The following NKAIN3 variants were observed in gnomAD, a reference collection of about 807,000 sequenced individuals.
NKAIN3 encodes the protein sodium/potassium-transporting ATPase subunit beta-1-interacting protein 3.
NKAIN3 carries 25 observed loss-of-function variants against 30.2 expected under a neutral mutation model. The ratio of observed to expected loss-of-function variants is 0.83; its 90% CI spans 0.60 to 1.16. NKAIN3 has a LOEUF of 1.16. Among genes scored for constraint, NKAIN3 ranks in the 50% most tolerant of loss-of-function variants. The pLI is 0.00. For synonymous variants in NKAIN3, 91 were observed against 89.6 expected (o/e 1.02, Z -0.09); for missense variants, 225 against 254.1 (o/e 0.89, Z 0.78).
chr8:62,270,735 C>T (rs2882742), intron 1 of NKAIN3, among the ~76,000 whole-genome samples: 88,987 of 151,944 alleles, frequency 0.59, 26,387 homozygotes, highest in East Asian at 0.68. Flanking sequence ...ATCTCCAACC[C>T]ATGGTAGCCA....
intron 5 of NKAIN3, among the ~76,000 whole-genome samples, chr8:62,920,518 T>C (rs1822247565): frequency 6.6e-6 from 1 of 152,224 alleles, no homozygotes. Context: ...CTGTTAACTT[T>C]CTATTAGCCT....
chr8:62,589,167 T>C (rs1389344087), intron 2 of NKAIN3, among the ~76,000 whole-genome samples: 1 of 151,902 alleles, frequency 6.6e-6, no homozygotes, highest in Non-Finnish European at 1.5e-5. Context: ...ATTTCTCTGC[T>C]TTAAAATATT....
At chr8:62,757,108 T>C (rs932755711) in intron 4 of NKAIN3, among the ~76,000 whole-genome samples, 2 of 152,170 alleles carry the variant, frequency 1.3e-5, no homozygotes, top group African/African-American at 4.8e-5. Flanking sequence ...GTTTAATAAT[T>C]AATCGAGCCA....
intron 1 of NKAIN3, among the ~76,000 whole-genome samples, chr8:62,477,343 A>C (rs918278989): frequency 3.1e-5 from 4 of 127,214 alleles, no homozygotes; most frequent in African/African-American, 1.1e-4. Flanking sequence ...TTGCACTGGC[A>C]GTAAAAAAAA....
intron 4 of NKAIN3, among the ~76,000 whole-genome samples, chr8:62,824,943 T>A (rs1818973280): frequency 6.6e-6 from 1 of 152,186 alleles, no homozygotes; most frequent in African/African-American, 2.4e-5. Flanking sequence ...GTGAAGATTG[T>A]CATATCACAG....
intron 1 of NKAIN3, among the ~76,000 whole-genome samples, chr8:62,456,238 C>A (rs1235484014): frequency 1.3e-5 from 2 of 152,094 alleles, no homozygotes; most frequent in Non-Finnish European, 2.9e-5. Context: ...GAAAAGGAAA[C>A]CAGCCAGGCA....
chr8:62,394,655 C>T (rs1483901631), intron 1 of NKAIN3, among the ~76,000 whole-genome samples: 7 of 152,180 alleles, frequency 4.6e-5, no homozygotes, highest in Non-Finnish European at 4.4e-5. Context: ...CCTCACTTCC[C>T]AGACCTGGCG....
At chr8:62,695,490 A>G (rs369309633) in intron 3 of NKAIN3, among the ~76,000 whole-genome samples, 1 of 152,200 alleles carries the variant, frequency 6.6e-6, no homozygotes, top group African/African-American at 2.4e-5. Context: ...GTCAATGCCT[A>G]TGGAGCAAGG....
At chr8:62,998,892 TAA>T (rs1325804685) in intron 5 of NKAIN3, among the ~76,000 whole-genome samples, 1 of 152,326 alleles carries the variant, frequency 6.6e-6, no homozygotes, top group East Asian at 1.9e-4. Context: ...CAGAAGAGAA[TAA>T]AAAGTGTGTC....
At chr8:62,883,195 T>C (rs997083814) in intron 4 of NKAIN3, among the ~76,000 whole-genome samples, 1 of 152,158 alleles carries the variant, frequency 6.6e-6, no homozygotes, top group Non-Finnish European at 1.5e-5. Context: ...TCCACAAACA[T>C]GAGGTGTGTC....
At chr8:62,543,777 C>T (rs1808917616) in intron 1 of NKAIN3, among the ~76,000 whole-genome samples, 1 of 152,146 alleles carries the variant, frequency 6.6e-6, no homozygotes, top group Non-Finnish European at 1.5e-5. Flanking sequence ...TAATTCTCTT[C>T]CACTGTTGGC....
intron 1 of NKAIN3, among the ~76,000 whole-genome samples, chr8:62,499,683 T>C (rs1015968660): frequency 1.3e-5 from 2 of 152,110 alleles, no homozygotes; most frequent in Non-Finnish European, 1.5e-5. Context: ...AGATTAGGAC[T>C]TATATATCCC....
chr8:62,660,191 A>G (rs1812900968), intron 3 of NKAIN3, among the ~76,000 whole-genome samples: 1 of 152,196 alleles, frequency 6.6e-6, no homozygotes, highest in South Asian at 2.1e-4. Context: ...CCTGGGCTTC[A>G]GGCCACCAAG....
At chr8:62,988,254 G>A (rs188727721), downstream of NKAIN3, among the ~76,000 whole-genome samples, 13 of 152,266 alleles carry the variant, frequency 8.5e-5, no homozygotes, top group East Asian at 2.5e-3. Context: ...CTGTCAGTGG[G>A]TCTACCATTC....
chr8:62,290,407 G>T (rs1813552222), intron 1 of NKAIN3, among the ~76,000 whole-genome samples: 1 of 152,154 alleles, frequency 6.6e-6, no homozygotes, highest in African/African-American at 2.4e-5. Context: ...ATTATTTTGA[G>T]ATACGTCCCA....
rs115624875 is a variant in NKAIN3, at chr8:62,880,849, G to A, written c.472-37604G>A. On this transcript the variant is annotated intron_variant, in intron 4 of 6. Transcript: ENST00000623646. ...AAGCATACACGTGCTGAAACTACATGGTTAATTTTAAATTTGATTAAAGAG... is the reference window on the plus strand; with the variant it reads ...AAGCATACACGTGCTGAAACTACATAGTTAATTTTAAATTTGATTAAAGAG... Among the ~76,000 whole-genome samples the A allele has an allele frequency of 5.8e-3, 885 of 152,068 alleles. 5 individuals are homozygous for A. Among genetic ancestry groups the A allele is most frequent in the African/African-American group, 0.02 (839 of 41,486 alleles).
intron 1 of NKAIN3, among the ~76,000 whole-genome samples, chr8:62,560,122 A>G (rs1233484337): frequency 6.6e-6 from 1 of 152,184 alleles, no homozygotes; most frequent in African/African-American, 2.4e-5. Context: ...AATTTCTACA[A>G]TAAATATTTT....
chr8:62,771,066 C>T (rs1816992827), intron 4 of NKAIN3, among the ~76,000 whole-genome samples: 2 of 105,516 alleles, frequency 1.9e-5, no homozygotes, highest in East Asian at 4.4e-4. Context: ...TGGTATTGTA[C>T]ATTTTATCAG....
intron 1 of NKAIN3, among the ~76,000 whole-genome samples, chr8:62,445,444 C>G (rs1360783510): frequency 6.6e-6 from 1 of 151,956 alleles, no homozygotes; most frequent in Non-Finnish European, 1.5e-5. Context: ...GGAAATTGAG[C>G]CTCAGGTTAA....
Sources: gnomAD v4.1 joint callset for allele counts (sites outside exome capture counted in the v4.1 genomes callset) on GRCh38, gnomAD v4.1.1 for gene constraint, MANE v1.5 for transcripts, NCBI Gene and HGNC (gene_info 2026-07-23, HGNC 2026-07-21) for gene names.